The following DNAH6 variants were observed in gnomAD, a reference collection of about 807,000 sequenced individuals.
DNAH6 encodes dynein axonemal heavy chain 6.
Under a neutral mutation model 491.4 loss-of-function variants are expected in DNAH6, and 340 were observed. That is an observed-to-expected ratio of 0.69 (90% CI 0.63 to 0.76). The LOEUF is 0.76. Ranked by LOEUF, DNAH6 falls within the 30% of genes least tolerant of loss-of-function variation. The pLI is 0.00. For synonymous variants in DNAH6, 1,603 were observed against 1,686.1 expected (o/e 0.95, Z 1.21); for missense variants, 4,443 against 4,972.2 (o/e 0.89, Z 3.20).
At position 84,792,001 on chromosome 2, in the gene DNAH6, G is replaced by A. The variant is rs147126100; in HGVS notation, c.11240-4305G>A. Among the ~76,000 whole-genome samples, 5 of 152,210 alleles carry A rather than the reference G, an allele frequency of 3.3e-5. No individual in the cohort carries two copies. The East Asian group carries it at 9.6e-4, about 29-fold the overall frequency. On this transcript the variant is annotated intron_variant, in intron 68 of 76. Coordinates refer to ENST00000389394, the MANE Select transcript of DNAH6 (RefSeq NM_001370.2). ...CCAAATGTCCATCAACATATAAATG[G>A]ACACAGAGAGTATCGTATATACATA... is the stretch of plus-strand genomic sequence containing the variant.
At chr2:84,764,617 A>T (rs1383409237) in intron 64 of DNAH6, among the ~76,000 whole-genome samples, 1 of 152,156 alleles carries the variant, frequency 6.6e-6, no homozygotes, top group Non-Finnish European at 1.5e-5. Context: ...AAAATCAATC[A>T]TATTTGTATG....
chr2:84,482,157 A>G, the DNAH6 span, among the ~76,000 whole-genome samples: 1 of 152,158 alleles, frequency 6.6e-6, no homozygotes, highest in African/African-American at 2.4e-5. Flanking sequence ...CACAGATTTA[A>G]TTTTTAGGGG....
At chr2:84,814,509 C>T (rs1034325682) in intron 75 of DNAH6, among the ~76,000 whole-genome samples, 1 of 152,152 alleles carries the variant, frequency 6.6e-6, no homozygotes, top group Non-Finnish European at 1.5e-5. Context: ...GTCTGCACCT[C>T]ATATTATTTT....
chr2:84,724,511 A>C (rs945618572), intron 60 of DNAH6, among the ~76,000 whole-genome samples: 1 of 152,210 alleles, frequency 6.6e-6, no homozygotes, highest in Non-Finnish European at 1.5e-5. Flanking sequence ...CATTCCCAAG[A>C]CTAACTGGAT....
At chr2:84,490,352 T>G in the DNAH6 span, among the ~76,000 whole-genome samples, 7 of 152,128 alleles carry the variant, frequency 4.6e-5, no homozygotes, top group African/African-American at 1.7e-4. Context: ...AGCACCCTTT[T>G]AATGTACAAT....
chr2:84,817,798 C>A (rs1192956895), intron 76 of DNAH6, among the ~76,000 whole-genome samples: 2 of 152,106 alleles, frequency 1.3e-5, no homozygotes, highest in African/African-American at 2.4e-5. Context: ...GTTTAGAGGT[C>A]CCATGGCAAG....
chr2:84,708,642 GAA>G (rs1027656270), intron 54 of DNAH6, among the ~76,000 whole-genome samples: 7 of 151,892 alleles, frequency 4.6e-5, no homozygotes, highest in African/African-American at 1.7e-4. Flanking sequence ...GAGGAAGAAA[GAA>G]AGAGAGAAAG....
chr2:84,473,841 T>C, the DNAH6 span, among the ~76,000 whole-genome samples: 2 of 152,230 alleles, frequency 1.3e-5, no homozygotes, highest in African/African-American at 4.8e-5. Flanking sequence ...TCTAACTGTT[T>C]GTAGCACAAC....
rs1278386376 is a variant in DNAH6 at position 84,571,405 on chromosome 2, ATG to A, written c.1804-2058_1804-2057del. On this transcript the variant is annotated intron_variant, in intron 11 of 76. Coordinates refer to ENST00000389394, the MANE Select transcript of DNAH6 (RefSeq NM_001370.2). The stretch of plus-strand genomic sequence containing the variant: ...AGCCTGCCAAACGCTGCCTTAGCCA[ATG>A]TGTTAGTATTACCAGTAATGAGACA... 8.5e-5 allele frequency among the ~76,000 whole-genome samples: 13 copies of A among 152,330 alleles called. No individual in the cohort carries two copies. The East Asian group carries it at 2.3e-3, about 27-fold the overall frequency.
chr2:84,783,825 G>C (rs536513388), intron 65 of DNAH6, among the ~76,000 whole-genome samples: 244 of 152,214 alleles, frequency 1.6e-3, no homozygotes, highest in Non-Finnish European at 2.5e-3. Context: ...GTTGTGCTTT[G>C]GAAAAAATAA....
chr2:84,725,322 G>A (rs141540741), intron 60 of DNAH6, among the ~76,000 whole-genome samples: 25 of 152,290 alleles, frequency 1.6e-4, no homozygotes, highest in African/African-American at 6.0e-4. Context: ...TGGAAATGAG[G>A]AATTGAAAGA....
At chr2:84,746,939 A>G (rs549535173) in intron 63 of DNAH6, among the ~76,000 whole-genome samples, 1 of 152,326 alleles carries the variant, frequency 6.6e-6, no homozygotes, top group African/African-American at 2.4e-5. Context: ...TTAAACGTCT[A>G]TCTCTTATGT....
At chr2:84,517,763 T>C in intron 1 of DNAH6, 56 bp from the exon 2 acceptor site, 1 of 1,368,352 alleles carries the variant, frequency 7.3e-7, no homozygotes, top group South Asian at 1.4e-5. Flanking sequence ...GTAGCCTCCT[T>C]CCCCAATCCT....
intron 46 of DNAH6, among the ~76,000 whole-genome samples, chr2:84,694,980 T>C (rs551678254): frequency 2.3e-4 from 35 of 152,296 alleles, no homozygotes; most frequent in African/African-American, 7.2e-4. Flanking sequence ...GTATTTTTTC[T>C]TTAGAGAAAA....
At chr2:84,798,150 C>T (rs1196719427) in intron 70 of DNAH6, among the ~76,000 whole-genome samples, 1 of 152,194 alleles carries the variant, frequency 6.6e-6, no homozygotes, top group African/African-American at 2.4e-5. Context: ...CCAGAGCAAA[C>T]TGGGTTGTTT....
At chr2:84,785,832 A>G (rs1161509025) in intron 67 of DNAH6, 76 bp downstream of exon 67, 2 of 1,352,094 alleles carry the variant, frequency 1.5e-6, no homozygotes, top group African/African-American at 1.5e-5. Flanking sequence ...ATTAAGTGAA[A>G]GCTTATAAAT....
At chr2:84,643,621 A>G (rs759320257) in intron 33 of DNAH6, among the ~76,000 whole-genome samples, 6 of 152,126 alleles carry the variant, frequency 3.9e-5, no homozygotes, top group African/African-American at 1.4e-4. Context: ...TCAAGCTCAG[A>G]GATACTTTCC....
Position 84,677,010 on chromosome 2 carries a change from A to G in DNAH6, c.6618A>G (p.Val2206=). Residue 2206 remains valine (V), a synonymous_variant, in exon 41 of 77, where the codon GTA becomes GTG. Coordinates refer to ENST00000389394, the MANE Select transcript of DNAH6 (RefSeq NM_001370.2). The stretch of plus-strand genomic sequence containing the variant: ...GTGGATTTCTCTGCACACAGGATGT[A>G]ACAATCATATCGGCATGTGCACCTC... ...NKLFWKEIQD[V]TIISACAPPG... 3.2e-6 allele frequency: 5 copies of G among 1,551,860 alleles called. No homozygotes were observed. Among genetic ancestry groups the G allele is most frequent in the Non-Finnish European group, 4.4e-6 (5 of 1,147,002 alleles).
chr2:84,730,566 C>CAA (rs200215137), intron 61 of DNAH6, among the ~76,000 whole-genome samples: 26 of 150,008 alleles, frequency 1.7e-4, no homozygotes, highest in African/African-American at 4.9e-4. Flanking sequence ...AAAAAAATCT[C>CAA]AAAAAAAAAA....
Sources: allele counts gnomAD v4.1 joint callset (sites outside exome capture counted in the v4.1 genomes callset), GRCh38; gene constraint gnomAD v4.1.1; transcripts MANE v1.5; gene names NCBI Gene and HGNC (gene_info 2026-07-23, HGNC 2026-07-21).